Variants in WDR59 observed in about 807,000 individuals in gnomAD.
WDR59 encodes WD repeat domain 59, also known as GATOR2 complex protein WDR59.
Under a neutral mutation model 131.2 loss-of-function variants are expected in WDR59, and 100 were observed. That is an observed-to-expected ratio of 0.76 (90% confidence interval 0.65 to 0.90). The LOEUF (loss-of-function observed/expected upper bound fraction) is 0.90, where lower values mean the gene tolerates loss of function less well. Ranked by LOEUF, WDR59 falls within the 40% of genes least tolerant of loss-of-function variation. The probability of loss-of-function intolerance (pLI) is 0.00; values close to 1 mark genes in which losing one functional copy is unlikely to be tolerated. For missense variants in WDR59, 1,203 were observed against 1,262.2 expected (o/e 0.95, Z 0.71); for synonymous variants, 601 against 466.2 (o/e 1.29, Z -3.72).
intron 11 of WDR59, among the ~76,000 whole-genome samples, chr16:74,917,577 G>A (rs546235203): frequency 1.3e-5 from 2 of 152,124 alleles, no homozygotes; most frequent in African/African-American, 4.8e-5. Flanking sequence ...GGGAGGCTGA[G>A]GCAGGTGGAT....
chr16:74,919,606 G>T (rs2029968951), intron 10 of WDR59, among the ~76,000 whole-genome samples: 1 of 152,022 alleles, frequency 6.6e-6, no homozygotes, highest in South Asian at 2.1e-4. Context: ...GCCTCCCAAA[G>T]TGCTGGGATT....
Position 74,912,242 on chromosome 16 carries a change from T to G in WDR59, c.1345A>C (p.Asn449His). Residue 449 changes from asparagine to histidine, a missense_variant, in exon 14 of 26, where the codon AAC becomes CAC. By Grantham distance (68) the Asn-to-His change is moderately conservative. Transcript: ENST00000262144. ...ATGGTGGATGTGATGGTTGTGGGGT[T>G]AATAAACTGGAAGGAAGGGGCGGCG... ...NNAAPSFQFI[N>H]PTTITSTMKA... is the part of the protein sequence containing the mutation. The G allele has an allele frequency of 6.2e-7, 1 of 1,614,168 alleles. No individual in the cohort carries two copies. Among genetic ancestry groups the G allele is most frequent in the Non-Finnish European group, 8.5e-7 (1 of 1,180,010 alleles).
At chr16:74,981,452 G>A (rs549176615) in intron 1 of WDR59, among the ~76,000 whole-genome samples, 2 of 149,484 alleles carry the variant, frequency 1.3e-5, no homozygotes, top group African/African-American at 4.9e-5. Context: ...CAGCTACTCA[G>A]GAGACTGAGG....
At chr16:74,912,656 G>A (rs112209093) in intron 13 of WDR59, among the ~76,000 whole-genome samples, 1 of 152,312 alleles carries the variant, frequency 6.6e-6, no homozygotes, top group African/African-American at 2.4e-5. Flanking sequence ...CAGAAATATA[G>A]AGGTGTGGAG....
At chr16:74,948,488 C>T (rs1203530523) in intron 6 of WDR59, 31 bp downstream of exon 6, 5 of 1,606,616 alleles carry the variant, frequency 3.1e-6, no homozygotes, top group Non-Finnish European at 3.4e-6. Context: ...AACCAAGGCG[C>T]CAGGGTGAGG....
intron 4 of WDR59, among the ~76,000 whole-genome samples, chr16:74,950,362 TTC>T (rs1348138244): frequency 6.6e-6 from 1 of 151,864 alleles, no homozygotes; most frequent in East Asian, 1.9e-4. Flanking sequence ...CAAACAAAAT[TTC>T]TCTCTCTAAA....
Position 74,978,749 on chromosome 16 carries a change from AT to A in WDR59, c.54+6214del, listed in dbSNP as rs111946957. On this transcript the variant is annotated intron_variant, in intron 1 of 25. Transcript: ENST00000262144. ...TACAATTATACCTGCATAAACCTGG[AT>A]TTTTTTTTTTTAATCACTCTGGCTA... 1.4e-3 allele frequency among the ~76,000 whole-genome samples: 214 copies of A among 147,630 alleles called. 2 individuals carry two copies. The highest frequency in any genetic ancestry group is 3.8e-3 in the African/African-American group (155 of 40,526).
chr16:74,951,708 T>C (rs2033008875), intron 3 of WDR59, among the ~76,000 whole-genome samples, 165 bp from the exon 4 acceptor site: 1 of 152,212 alleles, frequency 6.6e-6, no homozygotes, highest in Admixed American at 6.5e-5. Context: ...ACAATTAACA[T>C]TAGCTTGAGC....
intron 9 of WDR59, 30 bp downstream of exon 9, chr16:74,923,896 T>G: frequency 1.2e-6 from 2 of 1,600,110 alleles, no homozygotes; most frequent in Non-Finnish European, 1.7e-6. Flanking sequence ...AAAAGAAGTT[T>G]CTTATCAAGA....
chr16:74,962,952 A>C (rs1365594683), intron 2 of WDR59: 2 of 151,420 alleles, frequency 1.3e-5, no homozygotes, highest in African/African-American at 2.4e-5. Context: ...GAGGAATCTA[A>C]ATTACTCTAT....
At chr16:74,978,038 AC>A (rs1271889076) in intron 1 of WDR59, among the ~76,000 whole-genome samples, 1 of 151,724 alleles carries the variant, frequency 6.6e-6, no homozygotes, top group Non-Finnish European at 1.5e-5. Context: ...GCCAGATTCC[AC>A]CCCCACAAAA....
chr16:74,956,428 G>C (rs1195270856), intron 3 of WDR59, 47 bp downstream of exon 3: 3 of 1,598,152 alleles, frequency 1.9e-6, no homozygotes, highest in Non-Finnish European at 2.6e-6. Flanking sequence ...GCCAGCCCCA[G>C]ATGACACATT....
chr16:74,979,530 G>A (rs2034316310), intron 1 of WDR59, among the ~76,000 whole-genome samples: 1 of 151,420 alleles, frequency 6.6e-6, no homozygotes, highest in African/African-American at 2.4e-5. Flanking sequence ...AAGATTACCT[G>A]CAAGTTGTGT....
In WDR59 at chr16:74,882,789, G is replaced by A. The variant is rs553511302; in HGVS notation, c.2689+2864C>T. On this transcript the variant is annotated intron_variant, in intron 25 of 25. Coordinates refer to ENST00000262144, the MANE Select transcript of WDR59 (RefSeq NM_030581.4). ...CGCATGATTGCAGTCCAGCCTCGGC[G>A]ACAGAGCAACACTGTCTCAAAAAAA... Among the ~76,000 whole-genome samples, 7 of 116,020 alleles carry A rather than the reference G, an allele frequency of 6.0e-5. No homozygotes were observed. The East Asian group carries it at 1.3e-3, about 21-fold the overall frequency. 76.1% of individuals were successfully genotyped at this position (116,020 alleles called of 152,430 possible). A position where few individuals can be genotyped will look rare whatever the true frequency, so the allele number is the denominator to read the frequency against.
At chr16:74,909,790 C>T (rs5023507) in intron 15 of WDR59, 32 bp downstream of exon 15, 1 of 1,598,690 alleles carries the variant, frequency 6.3e-7, no homozygotes, top group Non-Finnish European at 8.5e-7. Flanking sequence ...ACACCAAAGC[C>T]TAAGTTGGTA....
rs987598070 is a variant in WDR59 at position 74,890,230 on chromosome 16, C to T, written c.2083-415G>A. On this transcript the variant is annotated intron_variant, in intron 20 of 25. Transcript: ENST00000262144. Reference sequence around the variant, plus strand: ...CCGTGGCACAATCACAGCTCACTGCCACCTCTGCCTCCTGGGTTCAAGCCA... The same window carrying T: ...CCGTGGCACAATCACAGCTCACTGCTACCTCTGCCTCCTGGGTTCAAGCCA... Among the ~76,000 whole-genome samples the T allele has an allele frequency of 5.9e-5, 9 of 152,236 alleles. 1 individual carries two copies.
At chr16:74,925,508 C>T (rs1336733569) in intron 8 of WDR59, among the ~76,000 whole-genome samples, 1 of 146,026 alleles carries the variant, frequency 6.8e-6, no homozygotes, top group Non-Finnish European at 1.5e-5. Flanking sequence ...GGCAACACTG[C>T]ACTCCAGCCT....
At chr16:74,941,340 C>A (rs1417464696) in intron 7 of WDR59, among the ~76,000 whole-genome samples, 242 of 109,644 alleles carry the variant, frequency 2.2e-3, no homozygotes, top group South Asian at 3.3e-3. Flanking sequence ...GGCTCCATCT[C>A]AAAAAAAAAA....
rs767717901 is a variant in WDR59 at position 74,915,947 on chromosome 16, C to G, written c.1147G>C (p.Asp383His). 4 of 1,614,088 alleles carry G rather than the reference C, an allele frequency of 2.5e-6. No homozygotes were observed. Among genetic ancestry groups the G allele is most frequent in the Non-Finnish European group, 2.5e-6 (3 of 1,180,036 alleles). The change falls in exon 13 of 26, where the codon GAT (aspartate) becomes CAT (histidine). Residue 383 changes from aspartate (D) to histidine (H), a missense_variant. Asp to His is a moderately conservative substitution (Grantham distance 81, BLOSUM62 -1). Coordinates refer to ENST00000262144, the MANE Select transcript of WDR59 (RefSeq NM_030581.4). ...PRNLLEERKS[D>H]QLGLPQTLQQ... ...AAGGTCTGAGGCAGCCCCAGTTGATCTGATTTCCTCTCTTCCAGGAGATTT... is the reference window on the plus strand; with the variant it reads ...AAGGTCTGAGGCAGCCCCAGTTGATGTGATTTCCTCTCTTCCAGGAGATTT...
Sources: gnomAD v4.1 joint callset for allele counts (sites outside exome capture counted in the v4.1 genomes callset) on GRCh38, gnomAD v4.1.1 for gene constraint, MANE v1.5 for transcripts, NCBI Gene and HGNC (gene_info 2026-07-23, HGNC 2026-07-21) for gene names.